Variants in PCDHA7 observed in about 807,000 individuals in gnomAD.
PCDHA7 encodes protocadherin alpha-7.
Under a neutral mutation model 57.2 loss-of-function variants are expected in PCDHA7, and 37 were observed. The ratio of observed to expected loss-of-function variants is 0.65; its 90% CI spans 0.50 to 0.85. The LOEUF (loss-of-function observed/expected upper bound fraction) is 0.85. PCDHA7 is among the 40% of genes least tolerant of loss of function. PCDHA7 has a pLI of 0.00. For missense variants in PCDHA7, 1,188 were observed against 1,241.8 expected, an observed-to-expected ratio of 0.96 and a Z score of 0.65; for synonymous variants, 553 against 558.8, an observed-to-expected ratio of 0.99 and a Z score of 0.15.
chr5:140,968,326 C>G (rs1554230623), intron 1 of PCDHA7: 1 of 1,614,058 alleles, frequency 6.2e-7, no homozygotes, highest in Non-Finnish European at 8.5e-7. Context: ...CAGTCACCTC[C>G]TATGTCTCCA....
chr5:140,929,325 G>A (rs782073530), intron 1 of PCDHA7: 4 of 1,538,392 alleles, frequency 2.6e-6, no homozygotes, highest in Non-Finnish European at 3.5e-6. Flanking sequence ...TCAATGCCAT[G>A]GTAAGCAAAT....
intron 1 of PCDHA7, among the ~76,000 whole-genome samples, chr5:140,910,513 A>G (rs1293675976): frequency 2.0e-5 from 3 of 152,184 alleles, no homozygotes; most frequent in Non-Finnish European, 4.4e-5. Flanking sequence ...CTCTTCAAGG[A>G]TGCAGGTACT....
intron 2 of PCDHA7, 69 bp downstream of exon 2, chr5:140,979,076 C>G: frequency 6.3e-7 from 1 of 1,584,068 alleles, no homozygotes; most frequent in South Asian, 1.1e-5. Flanking sequence ...AACTGCATCT[C>G]CATAGGCCAG....
At chr5:140,903,597 T>C (rs1182384058) in intron 1 of PCDHA7, among the ~76,000 whole-genome samples, 1 of 152,218 alleles carries the variant, frequency 6.6e-6, no homozygotes, top group African/African-American at 2.4e-5. Flanking sequence ...GCCTGATAAA[T>C]GCTTAATACA....
At chr5:140,979,137 A>G (rs1554240284) in intron 2 of PCDHA7, 130 bp downstream of exon 2, 1 of 1,459,542 alleles carries the variant, frequency 6.9e-7, no homozygotes, top group Non-Finnish European at 9.0e-7. Context: ...GGAAAATGCA[A>G]TTATTTTGTC....
Position 141,010,907 on chromosome 5 carries a change from C to G in PCDHA7, c.*970C>G, listed in dbSNP as rs2098418753. 6.5e-6 allele frequency: 1 copy of G among 153,766 alleles called. No individual in the cohort carries two copies. 9.5% of individuals were successfully genotyped at this position (153,766 alleles called of 1,614,324 possible). A position where few individuals can be genotyped will look rare whatever the true frequency, so the allele number is the denominator to read the frequency against. ...GAAATATGAATACAATTCCCCTAAACTCTCCTCAAAAGAGAATTCAGTCTA... is the reference window on the plus strand; with the variant it reads ...GAAATATGAATACAATTCCCCTAAAGTCTCCTCAAAAGAGAATTCAGTCTA... On this transcript the variant is annotated 3_prime_UTR_variant, in exon 4 of 4. Coordinates refer to ENST00000525929, the MANE Select transcript of PCDHA7 (RefSeq NM_018910.3).
chr5:140,967,006 C>G, intron 1 of PCDHA7: 1 of 1,605,750 alleles, frequency 6.2e-7, no homozygotes, highest in Non-Finnish European at 8.5e-7. Flanking sequence ...TGCGCATCAA[C>G]CATCTGGGTG....
At chr5:140,932,114 G>A (rs2088047655) in intron 1 of PCDHA7, among the ~76,000 whole-genome samples, 1 of 151,738 alleles carries the variant, frequency 6.6e-6, no homozygotes. Context: ...ATTTCCAATT[G>A]ATAATATTTA....
intron 1 of PCDHA7, among the ~76,000 whole-genome samples, chr5:140,903,535 G>A (rs1311718035): frequency 3.3e-5 from 5 of 152,178 alleles, no homozygotes; most frequent in African/African-American, 1.2e-4. Flanking sequence ...CTTTAAACTA[G>A]AGCAAGAAAC....
rs58232896 is a variant in PCDHA7 at position 140,946,262 on chromosome 5, C to T, written c.2356-32687C>T. Among the ~76,000 whole-genome samples the T allele has an allele frequency of 3.4e-3, 520 of 151,790 alleles. 2 individuals are homozygous for T. Among genetic ancestry groups the T allele is most frequent in the African/African-American group, 0.012 (483 of 41,394 alleles). On this transcript the variant is annotated intron_variant, in intron 1 of 3. Transcript: ENST00000525929. Reference sequence around the variant, plus strand: ...AACATCATGAATCATCAGAAAAATGCGAATTAAAACCCCAATGAGATATCA... The same window carrying T: ...AACATCATGAATCATCAGAAAAATGTGAATTAAAACCCCAATGAGATATCA...
At chr5:140,933,928 T>G (rs1055877190) in intron 1 of PCDHA7, among the ~76,000 whole-genome samples, 1 of 152,080 alleles carries the variant, frequency 6.6e-6, no homozygotes, top group Non-Finnish European at 1.5e-5. Flanking sequence ...TGTCCTGTTG[T>G]GACTTTTTTT....
At chr5:140,928,657 G>T in intron 1 of PCDHA7, 1 of 1,614,220 alleles carries the variant, frequency 6.2e-7, no homozygotes, top group Admixed American at 1.7e-5. Flanking sequence ...AGAGGATGCT[G>T]ACAGTGGTTC....
intron 1 of PCDHA7, among the ~76,000 whole-genome samples, chr5:140,961,987 C>T (rs1411300268): frequency 1.3e-5 from 2 of 151,942 alleles, no homozygotes; most frequent in African/African-American, 4.8e-5. Context: ...GGGTTCACGC[C>T]ATTGTCCTGC....
At position 140,841,226 on chromosome 5, in the gene PCDHA7, G is replaced by A. The variant is rs2150312161; in HGVS notation, c.2355+4488G>A. 1.1e-5 allele frequency: 16 copies of A among 1,452,002 alleles called. 1 individual carries two copies. Among genetic ancestry groups the A allele is most frequent in the Non-Finnish European group, 1.5e-5 (16 of 1,077,992 alleles). The allele number at this position is 1,452,002 out of a possible 1,614,324, so 89.9% of individuals were successfully genotyped here. On this transcript the variant is annotated intron_variant, in intron 1 of 3. Transcript: ENST00000525929. The stretch of plus-strand genomic sequence containing the variant: ...CATCTGTCTCTAAAGGCCGAACAAC[G>A]GGAGATGCAGCGGAATTGGATTAAA...
chr5:141,000,185 G>A (rs1434179793), intron 3 of PCDHA7, among the ~76,000 whole-genome samples: 1 of 151,896 alleles, frequency 6.6e-6, no homozygotes, highest in African/African-American at 2.4e-5. Flanking sequence ...AGGAGTCAAT[G>A]TGAGAATAGT....
intron 1 of PCDHA7, among the ~76,000 whole-genome samples, chr5:140,913,052 A>G (rs1554195709): frequency 6.6e-6 from 1 of 151,874 alleles, no homozygotes; most frequent in African/African-American, 2.4e-5. Context: ...CTGGAGTTTT[A>G]TTTTATTTTG....
intron 1 of PCDHA7, among the ~76,000 whole-genome samples, chr5:140,969,746 T>C (rs1353204080): frequency 6.6e-6 from 1 of 152,224 alleles, no homozygotes; most frequent in African/African-American, 2.4e-5. Context: ...ATGAGTGATG[T>C]TTCTTAAAAA....
intron 1 of PCDHA7, chr5:140,858,776 C>G (rs2045586511): frequency 2.4e-6 from 1 of 420,578 alleles, no homozygotes; most frequent in Admixed American, 4.3e-5. Context: ...GAGATTAGTA[C>G]TTCATGTTAT....
rs782334415 is a variant in PCDHA7 at position 141,009,744 on chromosome 5, A to T, written c.2621A>T (p.Lys874Ile). 8.1e-6 allele frequency: 13 copies of T among 1,614,028 alleles called. No homozygotes were observed. Among genetic ancestry groups the T allele is most frequent in the Non-Finnish European group, 1.1e-5 (13 of 1,180,034 alleles). The change falls in exon 4 of 4, where the codon AAA becomes ATA. Residue 874 changes from lysine (K) to isoleucine (I), a missense_variant. This residue lies in a region of PCDHA7 where 892 missense variants were observed against 788.5 expected (regional missense o/e 1.13). Transcript: ENST00000525929. Reference protein sequence around the residue: ...KQSGPGELPDKFIIPGSPAII... With the variant: ...KQSGPGELPDIFIIPGSPAII... ...TCCGGTCCCGGTGAGTTGCCCGACA[A>T]ATTCATTATCCCAGGATCTCCTGCA...
Sources: allele counts gnomAD v4.1 joint callset (sites outside exome capture counted in the v4.1 genomes callset), GRCh38; gene constraint gnomAD v4.1.1; regional missense constraint gnomAD v4.1.1; transcripts MANE v1.5; gene names NCBI Gene and HGNC (gene_info 2026-07-23, HGNC 2026-07-21).